Variants in PLEKHA7 observed in about 807,000 individuals in gnomAD.
The protein encoded by PLEKHA7 is pleckstrin homology domain containing A7.
A neutral mutation model predicts 170.0 loss-of-function variants in PLEKHA7; 104 were observed. That is an observed-to-expected ratio of 0.61 (90% confidence interval 0.52 to 0.72). PLEKHA7 has a LOEUF of 0.72. PLEKHA7 is among the 30% of genes least tolerant of loss of function. The pLI is 0.00. For missense variants in PLEKHA7, 1,615 were observed against 1,671.7 expected (o/e 0.97, Z 0.59); for synonymous variants, 648 against 660.8 (o/e 0.98, Z 0.30).
chr11:17,002,123 T>C (rs1054130954), intron 3 of PLEKHA7, among the ~76,000 whole-genome samples: 3 of 152,118 alleles, frequency 2.0e-5, no homozygotes, highest in African/African-American at 7.2e-5. Context: ...CTATGCACCA[T>C]CCATCACTCT....
chr11:16,836,724 T>C (rs1417607734), intron 9 of PLEKHA7, among the ~76,000 whole-genome samples: 2 of 152,214 alleles, frequency 1.3e-5, no homozygotes, highest in Non-Finnish European at 2.9e-5. Context: ...TATGGAGAAA[T>C]GCTATTATGT....
At chr11:16,780,910 C>T in intron 26 of PLEKHA7, 1 of 851,322 alleles carries the variant, frequency 1.2e-6, no homozygotes. Flanking sequence ...GTGCAGGAAG[C>T]AGGCAGAAGC....
At chr11:16,949,133 C>A (rs916691198) in intron 3 of PLEKHA7, among the ~76,000 whole-genome samples, 4 of 152,090 alleles carry the variant, frequency 2.6e-5, no homozygotes, top group African/African-American at 9.7e-5. Flanking sequence ...TTTACCCCCT[C>A]CCCATCTCTA....
intron 10 of PLEKHA7, among the ~76,000 whole-genome samples, chr11:16,822,740 A>C (rs539147675): frequency 1.3e-5 from 2 of 152,214 alleles, no homozygotes; most frequent in South Asian, 4.1e-4. Flanking sequence ...GTGCTCTCTC[A>C]GTTGAGGATT....
Position 16,778,967 on chromosome 11 carries a change from C to A in PLEKHA7, c.*31G>T. 1.4e-6 allele frequency: 1 copy of A among 702,580 alleles called. No homozygotes were observed. The highest frequency in any genetic ancestry group is 1.5e-5 in the South Asian group (1 of 67,608). 43.5% of individuals were successfully genotyped at this position (702,580 alleles called of 1,614,324 possible). A position where few individuals can be genotyped will look rare whatever the true frequency, so the allele number is the denominator to read the frequency against. Reference sequence around the variant, plus strand: ...CTTGGAGGAAGCTGGTTCCACTGGGCCCCTGGCTCCAGGCTTCTTTGCATG... The same window carrying A: ...CTTGGAGGAAGCTGGTTCCACTGGGACCCTGGCTCCAGGCTTCTTTGCATG... On this transcript the variant is annotated 3_prime_UTR_variant, in exon 27 of 27. Transcript: ENST00000531066.
At chr11:16,901,243 A>T (rs1857315213) in intron 3 of PLEKHA7, among the ~76,000 whole-genome samples, 1 of 152,210 alleles carries the variant, frequency 6.6e-6, no homozygotes, top group Non-Finnish European at 1.5e-5. Flanking sequence ...TTAGAGAAAA[A>T]TGGAAAAAAG....
chr11:16,995,472 C>T (rs1245320249), intron 3 of PLEKHA7, among the ~76,000 whole-genome samples: 1 of 152,196 alleles, frequency 6.6e-6, no homozygotes, highest in Non-Finnish European at 1.5e-5. Context: ...TGCACACACA[C>T]CAAGTCTTCT....
chr11:16,883,177 T>C (rs938299221), intron 3 of PLEKHA7, among the ~76,000 whole-genome samples: 3 of 152,190 alleles, frequency 2.0e-5, no homozygotes, highest in African/African-American at 7.2e-5. Flanking sequence ...TCTTGGGAGA[T>C]ACACTGGCTT....
At chr11:16,993,345 C>T (rs935711640) in intron 3 of PLEKHA7, among the ~76,000 whole-genome samples, 16 of 152,068 alleles carry the variant, frequency 1.1e-4, no homozygotes, top group African/African-American at 3.6e-4. Context: ...GGGGGGCAGG[C>T]AGGAAACAAT....
At chr11:16,894,810 C>A (rs1856898155) in intron 3 of PLEKHA7, among the ~76,000 whole-genome samples, 1 of 152,100 alleles carries the variant, frequency 6.6e-6, no homozygotes, top group Non-Finnish European at 1.5e-5. Flanking sequence ...AGATAAAGAA[C>A]CACACAAGGT....
intron 8 of PLEKHA7, among the ~76,000 whole-genome samples, chr11:16,849,409 AG>A (rs1186751440): frequency 2.0e-5 from 3 of 152,234 alleles, no homozygotes; most frequent in Non-Finnish European, 4.4e-5. Flanking sequence ...TCTAGAAAAG[AG>A]GGTTTCCTAA....
chr11:16,824,158 A>G (rs1010309805), intron 10 of PLEKHA7, among the ~76,000 whole-genome samples: 1 of 152,204 alleles, frequency 6.6e-6, no homozygotes, highest in African/African-American at 2.4e-5. Flanking sequence ...ACAAAAATAT[A>G]GTTAGATAGA....
chr11:16,937,895 AC>A (rs1456341826), intron 3 of PLEKHA7, among the ~76,000 whole-genome samples: 1 of 152,228 alleles, frequency 6.6e-6, no homozygotes, highest in Non-Finnish European at 1.5e-5. Context: ...GGTGTGAGCC[AC>A]AGCACTCAGA....
chr11:16,976,862 T>C (rs972887559), intron 3 of PLEKHA7, among the ~76,000 whole-genome samples: 2 of 152,190 alleles, frequency 1.3e-5, no homozygotes, highest in African/African-American at 4.8e-5. Flanking sequence ...TCATGTGCCA[T>C]GCTAGGCACT....
intron 3 of PLEKHA7, among the ~76,000 whole-genome samples, chr11:17,000,418 G>A (rs1336891605): frequency 6.6e-6 from 1 of 152,150 alleles, no homozygotes; most frequent in Non-Finnish European, 1.5e-5. Context: ...CTTCTCTCTG[G>A]TTGGACACAG....
rs1358930699 is a variant in PLEKHA7 at position 16,879,676 on chromosome 11, G to C, written c.222-8494C>G. ...AAGGGAACAGAGCCTGGCACAGGCA[G>C]AGCTGGGCATGAGGGAGTCACAAAA... On this transcript the variant is annotated intron_variant, in intron 3 of 26. Transcript: ENST00000531066. Among the ~76,000 whole-genome samples, 4 of 152,238 alleles carry C rather than the reference G, an allele frequency of 2.6e-5. No homozygotes were observed. In the East Asian group the frequency reaches 5.8e-4, roughly 22 times the overall value.
intron 3 of PLEKHA7, chr11:17,012,983 C>G (rs1865405099): frequency 7.0e-6 from 1 of 142,464 alleles, no homozygotes; most frequent in African/African-American, 2.6e-5. Context: ...AGTAGTAGTT[C>G]TGACTCACAG....
intron 17 of PLEKHA7, among the ~76,000 whole-genome samples, chr11:16,799,739 T>G (rs1217003627): frequency 6.6e-6 from 1 of 152,092 alleles, no homozygotes; most frequent in Non-Finnish European, 1.5e-5. Flanking sequence ...AAAAGAGTAG[T>G]GAAATGTTAG....
intron 3 of PLEKHA7, among the ~76,000 whole-genome samples, chr11:17,012,415 A>G (rs1865373224): frequency 6.6e-6 from 1 of 152,128 alleles, no homozygotes; most frequent in Non-Finnish European, 1.5e-5. Flanking sequence ...TCTTCCCGAA[A>G]TGCTTTGCCA....
Sources: allele counts gnomAD v4.1 joint callset (sites outside exome capture counted in the v4.1 genomes callset), GRCh38; gene constraint gnomAD v4.1.1; transcripts MANE v1.5; gene names NCBI Gene and HGNC (gene_info 2026-07-23, HGNC 2026-07-21).